LRP1: variants seen among roughly 807,000 people sequenced by gnomAD.
LRP1 encodes prolow-density lipoprotein receptor-related protein 1.
LRP1 carries 51 observed loss-of-function variants against 541.5 expected under a neutral mutation model. That is an observed-to-expected ratio of 0.09 (90% CI 0.08 to 0.12). LRP1 has a LOEUF of 0.12. Ranked by LOEUF, LRP1 falls within the 10% of genes least tolerant of loss-of-function variation. LRP1 has a pLI of 1.00. For synonymous variants in LRP1, 2,219 were observed against 2,470.8 expected (o/e 0.90, Z 3.02); for missense variants, 3,878 against 6,376.2 (o/e 0.61, Z 13.34).
At chr12:57,175,811 C>T (rs1271903488) in intron 23 of LRP1, 98 bp from the exon 24 acceptor site, 2 of 1,564,676 alleles carry the variant, frequency 1.3e-6, no homozygotes, top group African/African-American at 2.7e-5. Flanking sequence ...CCACCCTAGC[C>T]CCCAGTGCCC....
At position 57,140,146 on chromosome 12, in the gene LRP1, C is replaced by T. The variant is rs149476629; in HGVS notation, c.191-1228C>T. ...TGAAAGGTGGGATCTCACTATGTTG[C>T]CTTGGCTGATCTCAAACTCCTGACC... On this transcript the variant is annotated intron_variant, in intron 2 of 88. Coordinates refer to ENST00000243077, the MANE Select transcript of LRP1 (RefSeq NM_002332.3). 5.0e-4 allele frequency among the ~76,000 whole-genome samples: 76 copies of T among 152,048 alleles called. 1 individual carries two copies. The East Asian group carries it at 9.8e-3, about 20-fold the overall frequency.
rs376463988 is a variant in LRP1, at chr12:57,195,638, G to C, written c.8438-20G>C. 6.8e-6 allele frequency: 11 copies of C among 1,613,906 alleles called. No individual in the cohort carries two copies. The African/African-American group carries it at 9.3e-5, about 14-fold the overall frequency. Reference sequence around the variant, plus strand: ...GCTGGCCAGGCAGGGCTGAAGGGCTGTGTCCACCTCTGTCCACAGTGTACA... The same window carrying C: ...GCTGGCCAGGCAGGGCTGAAGGGCTCTGTCCACCTCTGTCCACAGTGTACA... On this transcript the variant is annotated intron_variant, in intron 52 of 88. Coordinates refer to ENST00000243077, the MANE Select transcript of LRP1 (RefSeq NM_002332.3).
At chr12:57,140,959 C>G (rs2035276832) in intron 2 of LRP1, among the ~76,000 whole-genome samples, 1 of 152,126 alleles carries the variant, frequency 6.6e-6, no homozygotes, top group Non-Finnish European at 1.5e-5. Flanking sequence ...ATCTTGAACT[C>G]CTGACCTCAA....
chr12:57,173,520 G>A lies in LRP1; in HGVS notation c.3346+170G>A, dbSNP rs1464230942. Among the ~76,000 whole-genome samples, 1 of 152,206 alleles carries A rather than the reference G, an allele frequency of 6.6e-6. No individual in the cohort carries two copies. Among genetic ancestry groups the A allele is most frequent in the African/African-American group, 2.4e-5 (1 of 41,452 alleles). On this transcript the variant is annotated intron_variant, in intron 21 of 88. Coordinates refer to ENST00000243077, the MANE Select transcript of LRP1 (RefSeq NM_002332.3). The surrounding 1 kb of genome is among the most constrained non-coding windows in gnomAD (Gnocchi z 4.7). ...GGAAGCTTGTGTGTCATGGGTGGGG[G>A]AAGGCATGAAGGGCCAGAGCCTGCA... is the stretch of plus-strand genomic sequence containing the variant.
chr12:57,158,666 G>A lies in LRP1; in HGVS notation c.1798+28G>A, dbSNP rs1007610261. 6.3e-7 allele frequency: 1 copy of A among 1,592,494 alleles called. No individual in the cohort carries two copies. ...ATGGGCTCCTAGGGATGTGGCCCAT[G>A]GGGATGGAAGGGGGCTGGGGCCCAG... is the stretch of plus-strand genomic sequence containing the variant. On this transcript the variant is annotated intron_variant, in intron 11 of 88. Transcript: ENST00000243077. The surrounding 1 kb of genome is among the most constrained non-coding windows in gnomAD (Gnocchi z 5.3).
At chr12:57,129,367 C>T (rs1016214899) in intron 1 of LRP1, among the ~76,000 whole-genome samples, 2 of 152,228 alleles carry the variant, frequency 1.3e-5, no homozygotes, top group East Asian at 3.9e-4. Flanking sequence ...TACATCCTCA[C>T]AACCCCCCAC....
chr12:57,209,803 A>G lies in LRP1; in HGVS notation c.12374A>G (p.Asn4125Ser). 3.1e-6 allele frequency: 5 copies of G among 1,614,136 alleles called. No homozygotes were observed. The highest frequency in any genetic ancestry group is 4.2e-6 in the Non-Finnish European group (5 of 1,180,014). Residue 4125 changes from asparagine to serine, a missense_variant, in exon 80 of 89, where the codon AAC becomes AGC. Asn to Ser is a conservative substitution (Grantham distance 46). Around this residue, in one of 13 missense-constraint regions of LRP1, gnomAD observed 871 missense variants for 1,212.4 expected, o/e 0.72. Transcript: ENST00000243077. Reference protein sequence around the residue: ...IHKFGHSPLVNLTGGLSHASD... With the variant: ...IHKFGHSPLVSLTGGLSHASD... Reference sequence around the variant, plus strand: ...AAGTTTGGCCACAGCCCCTTGGTCAACCTGACAGGGGGCCTGAGCCACGCC... The same window carrying G: ...AAGTTTGGCCACAGCCCCTTGGTCAGCCTGACAGGGGGCCTGAGCCACGCC...
In LRP1 at chr12:57,204,623, G is replaced by A. The variant is rs1158307616; in HGVS notation, c.11072-4G>A. The A allele has an allele frequency of 6.2e-7, 1 of 1,613,784 alleles. No homozygotes were observed. Among genetic ancestry groups the A allele is most frequent in the South Asian group, 1.1e-5 (1 of 91,080 alleles). ...CTGGCTCTGTGTCCCCCTGGCTGCT[G>A]CAGCCCGGTTCGTGTGCCCTCCCAA... On this transcript the variant is annotated splice_region_variant and splice_polypyrimidine_tract_variant and intron_variant, in intron 71 of 88. Coordinates refer to ENST00000243077, the MANE Select transcript of LRP1 (RefSeq NM_002332.3). The surrounding 1 kb of genome is among the most constrained non-coding windows in gnomAD (Gnocchi z 5.3).
chr12:57,201,381 T>C lies in LRP1; in HGVS notation c.10346-116T>C. Reference sequence around the variant, plus strand: ...AAACTGGGGATAAACTGTTCCTTCCTCCGAAGAAGTTGCTGGCAGGACCAA... The same window carrying C: ...AAACTGGGGATAAACTGTTCCTTCCCCCGAAGAAGTTGCTGGCAGGACCAA... On this transcript the variant is annotated intron_variant, in intron 65 of 88. Transcript: ENST00000243077. The surrounding 1 kb of genome is among the most constrained non-coding windows in gnomAD (Gnocchi z 6.4). 1.4e-6 allele frequency: 2 copies of C among 1,471,552 alleles called. No homozygotes were observed. The highest frequency in any genetic ancestry group is 9.2e-7 in the Non-Finnish European group (1 of 1,088,980). 91.2% of individuals were successfully genotyped at this position (1,471,552 alleles called of 1,614,324 possible). A position where few individuals can be genotyped will look rare whatever the true frequency, so the allele number is the denominator to read the frequency against.
rs144804370 is a variant in LRP1, at chr12:57,183,855, G to C, written c.5875G>C (p.Val1959Leu). ...GCGGGACCAGACGTGGCGTGAAGAC[G>C]TGGTGACCAATGGCATTGGCCGTGT... is the stretch of plus-strand genomic sequence containing the variant. ...AKRDQTWREDVVTNGIGRVEG... is the reference protein window; with the variant it reads ...AKRDQTWREDLVTNGIGRVEG... Residue 1959 changes from valine to leucine, a missense_variant, in exon 36 of 89, where the codon GTG becomes CTG. Val to Leu is a conservative substitution (Grantham distance 32). Transcript: ENST00000243077. The surrounding 1 kb of genome is among the most constrained non-coding windows in gnomAD (Gnocchi z 6.1). 1 of 1,614,206 alleles carries C rather than the reference G, an allele frequency of 6.2e-7. No homozygotes were observed. The highest frequency in any genetic ancestry group is 1.1e-5 in the South Asian group (1 of 91,084).
In LRP1 at chr12:57,162,560, G is replaced by T. The variant is rs772116131; in HGVS notation, c.2404+42G>T. On this transcript the variant is annotated intron_variant, in intron 14 of 88. Transcript: ENST00000243077. This position sits in a 1 kb window ranked among gnomAD's most constrained non-coding sequence, Gnocchi z 5.2. ...GGGGGCAGCGTGGGACCTGGAAGGGGTGGTGGGACTTAGGCATTGATTTGA... is the reference window on the plus strand; with the variant it reads ...GGGGGCAGCGTGGGACCTGGAAGGGTTGGTGGGACTTAGGCATTGATTTGA... 1 of 1,606,620 alleles carries T rather than the reference G, an allele frequency of 6.2e-7. No homozygotes were observed. Among genetic ancestry groups the T allele is most frequent in the Non-Finnish European group, 8.5e-7 (1 of 1,175,550 alleles).
In LRP1 at chr12:57,178,782, C is replaced by T. The variant is rs575654206; in HGVS notation, c.4607-108C>T. The stretch of plus-strand genomic sequence containing the variant: ...GCAGCAGAGAAGGGTCTAGTAGTAG[C>T]GGCTGCTGGAACAGGGGGAGGAGAG... On this transcript the variant is annotated intron_variant, in intron 27 of 88. Transcript: ENST00000243077. This position sits in a 1 kb window ranked among gnomAD's most constrained non-coding sequence, Gnocchi z 5.8. 150 of 1,512,076 alleles carry T rather than the reference C, an allele frequency of 9.9e-5. No homozygotes were observed. In the African/African-American group the frequency reaches 1.8e-3, roughly 18 times the overall value. The allele number at this position is 1,512,076 out of a possible 1,614,324, so 93.7% of individuals were successfully genotyped here. A position where few individuals can be genotyped will look rare whatever the true frequency, so the allele number is the denominator to read the frequency against.
chr12:57,167,318 C>T, intron 18 of LRP1, 126 bp from the exon 19 acceptor site: 1 of 744,540 alleles, frequency 1.3e-6, no homozygotes, highest in Non-Finnish European at 2.4e-6. Context: ...GCTGCGGGGC[C>T]TTCCCCACCC....
chr12:57,212,510 C>T lies in LRP1; in HGVS notation c.13590C>T (p.Leu4530=), dbSNP rs749166749. 15 of 1,613,730 alleles carry T rather than the reference C, an allele frequency of 9.3e-6. No individual in the cohort carries two copies. The highest frequency in any genetic ancestry group is 1.3e-5 in the Non-Finnish European group (15 of 1,179,894). Residue 4530 remains leucine, a synonymous_variant, in exon 89 of 89, where the codon CTC becomes CTT. Coordinates refer to ENST00000243077, the MANE Select transcript of LRP1 (RefSeq NM_002332.3). The surrounding 1 kb of genome is among the most constrained non-coding windows in gnomAD (Gnocchi z 5.0). ...SLASTDEKRE[L]LGRGPEDEIG... ...CCAGCACGGACGAGAAGCGAGAACT[C>T]CTGGGCCGGGGCCCTGAGGACGAGA...
rs566322550 is a variant in LRP1 at position 57,173,662 on chromosome 12, G to A, written c.3347-118G>A. 13 of 1,087,950 alleles carry A rather than the reference G, an allele frequency of 1.2e-5. No individual in the cohort carries two copies. The highest frequency in any genetic ancestry group is 2.2e-4 in the Middle Eastern group (1 of 4,492). The allele number at this position is 1,087,950 out of a possible 1,614,324, so 67.4% of individuals were successfully genotyped here. ...GACCCAAAAAGCCTCGGGGTTCCTC[G>A]TGGACCCCACAGCGTTGCAATCCTG... is the stretch of plus-strand genomic sequence containing the variant. On this transcript the variant is annotated intron_variant, in intron 21 of 88. Transcript: ENST00000243077. This position sits in a 1 kb window ranked among gnomAD's most constrained non-coding sequence, Gnocchi z 4.7.
intron 2 of LRP1, among the ~76,000 whole-genome samples, chr12:57,139,007 C>T (rs1168832291): frequency 1.3e-5 from 2 of 152,208 alleles, no homozygotes; most frequent in Admixed American, 6.5e-5. Context: ...CAGCCCCATA[C>T]CAGAAGCCCC....
intron 42 of LRP1, among the ~76,000 whole-genome samples, chr12:57,188,206 G>A (rs1191350045): frequency 6.6e-6 from 1 of 152,196 alleles, no homozygotes; most frequent in Admixed American, 6.5e-5. Flanking sequence ...AGCCTGCTCT[G>A]TTCTCCCGCA....
chr12:57,198,238 G>A lies in LRP1; in HGVS notation c.9365G>A (p.Gly3122Asp). The A allele has an allele frequency of 6.2e-7, 1 of 1,613,650 alleles. No individual in the cohort carries two copies. The highest frequency in any genetic ancestry group is 8.5e-7 in the Non-Finnish European group (1 of 1,179,904). ...GGCAACCTGTACTGGTGCGACAAAG[G>A]CCGGGACACCATCGAGGTGTCCAAG... ...VGGNLYWCDK[G>D]RDTIEVSKLN... Residue 3122 changes from glycine to aspartate, a missense_variant, in exon 59 of 89, where the codon GGC becomes GAC. Transcript: ENST00000243077.
rs369932917 is a variant in LRP1, at chr12:57,179,909, G to A, written c.5094G>A (p.Val1698=). The A allele has an allele frequency of 1.2e-5, 20 of 1,614,052 alleles. No individual in the cohort carries two copies. The East Asian group carries it at 3.6e-4, about 29-fold the overall frequency. ...ATGGCTCCTTCAAGAACGCAGTGGT[G>A]CAGGGCCTGGAGCAGCCCCATGGCC... ...RLDGSFKNAV[V]QGLEQPHGLV... The change falls in exon 30 of 89, where the codon GTG becomes GTA. Residue 1698 remains valine, a synonymous_variant. Coordinates refer to ENST00000243077, the MANE Select transcript of LRP1 (RefSeq NM_002332.3). This position sits in a 1 kb window ranked among gnomAD's most constrained non-coding sequence, Gnocchi z 6.8.
Sources: allele counts gnomAD v4.1 joint callset (sites outside exome capture counted in the v4.1 genomes callset), GRCh38; gene constraint gnomAD v4.1.1; regional missense constraint gnomAD v4.1.1; non-coding constraint Gnocchi (gnomAD v3.1); transcripts MANE v1.5; gene names NCBI Gene and HGNC (gene_info 2026-07-23, HGNC 2026-07-21).